Variants in PCDHA4 observed in about 807,000 individuals in gnomAD.
PCDHA4 encodes protocadherin alpha-4.
In PCDHA4, 49 loss-of-function variants were observed where a neutral mutation model predicts 61.4. The observed-to-expected ratio is 0.80, with a 90% CI of 0.63 to 1.01. PCDHA4 has a LOEUF of 1.01. Among genes scored for constraint, PCDHA4 ranks in the 50% least tolerant of loss-of-function variants. PCDHA4 has a pLI of 0.00. For missense variants in PCDHA4, 1,254 were observed against 1,235.8 expected (o/e 1.01, Z -0.22); for synonymous variants, 590 against 550.3 (o/e 1.07, Z -1.01).
At position 140,858,665 on chromosome 5, in the gene PCDHA4, A is replaced by G. The variant is rs2045550518; in HGVS notation, c.2385+49093A>G. On this transcript the variant is annotated intron_variant, in intron 1 of 3. Transcript: ENST00000530339. ...GGTACTTAAATTTTTTTAAATAACAATTTATTCTGAATACACTAATATTTT... is the reference window on the plus strand; with the variant it reads ...GGTACTTAAATTTTTTTAAATAACAGTTTATTCTGAATACACTAATATTTT... 5.6e-6 allele frequency: 4 copies of G among 718,718 alleles called. 1 individual carries two copies. The highest frequency in any genetic ancestry group is 1.8e-5 in the African/African-American group (1 of 55,644). 44.5% of individuals were successfully genotyped at this position (718,718 alleles called of 1,614,324 possible).
chr5:140,851,291 C>A, intron 1 of PCDHA4: 1 of 1,030,836 alleles, frequency 9.7e-7, no homozygotes, highest in Non-Finnish European at 1.2e-6. Context: ...GAAACCCAAG[C>A]AAAAATATAT....
chr5:140,941,242 T>TC (rs1312617364), intron 1 of PCDHA4, among the ~76,000 whole-genome samples: 1 of 141,172 alleles, frequency 7.1e-6, no homozygotes, highest in East Asian at 2.0e-4. Flanking sequence ...TTTCTTTCTT[T>TC]CTTTCTTTCT....
At chr5:140,993,883 A>G (rs1256857317) in intron 3 of PCDHA4, among the ~76,000 whole-genome samples, 1 of 152,228 alleles carries the variant, frequency 6.6e-6, no homozygotes, top group East Asian at 1.9e-4. Flanking sequence ...AGTACGCTCT[A>G]TGATGTCCAT....
chr5:140,841,832 A>C lies in PCDHA4; in HGVS notation c.2385+32260A>C, dbSNP rs2150323829. The C allele has an allele frequency of 3.7e-6, 6 of 1,613,806 alleles. No homozygotes were observed. The South Asian group carries it at 5.5e-5, about 15-fold the overall frequency. ...TGGAGCTAACTCCGTGTTAACCTAC[A>C]GGCTTAGCTCTCATGATTACTTCAT... is the stretch of plus-strand genomic sequence containing the variant. On this transcript the variant is annotated intron_variant, in intron 1 of 3. Coordinates refer to ENST00000530339, the MANE Select transcript of PCDHA4 (RefSeq NM_018907.4).
chr5:140,841,385 G>C, intron 1 of PCDHA4: 2 of 1,613,440 alleles, frequency 1.2e-6, no homozygotes, highest in Non-Finnish European at 1.7e-6. Context: ...TCTGCTCCTC[G>C]CAGCCTGGAA....
Position 140,877,047 on chromosome 5 carries a change from C to T in PCDHA4, c.2385+67475C>T, listed in dbSNP as rs372059660. The T allele has an allele frequency of 5.6e-6, 9 of 1,612,564 alleles. No homozygotes were observed. The African/African-American group carries it at 1.2e-4, about 22-fold the overall frequency. On this transcript the variant is annotated intron_variant, in intron 1 of 3. Transcript: ENST00000530339. ...TGTACGCGCTGCAGCCGCTAGACCA[C>T]GAGGAGCTGGAGCTGCTGCAGTTCC...
In PCDHA4 at chr5:141,000,421, A is replaced by ATTTTT. The variant is rs34755515; in HGVS notation, c.2534-9187_2534-9183dup. Among the ~76,000 whole-genome samples, 110 of 27,976 alleles carry ATTTTT rather than the reference A, an allele frequency of 3.9e-3. 3 individuals carry two copies. Among genetic ancestry groups the ATTTTT allele is most frequent in the Non-Finnish European group, 5.0e-3 (89 of 17,656 alleles). The allele number at this position is 27,976 out of a possible 152,430, so 18.4% of individuals were successfully genotyped here. ...TATATATATATATATATATATATATATTTTTTTTTTTTTTTTTTTTTTTGA... is the reference window on the plus strand; with the variant it reads ...TATATATATATATATATATATATATATTTTTTTTTTTTTTTTTTTTTTTTTTTTGA... On this transcript the variant is annotated intron_variant, in intron 3 of 3. Coordinates refer to ENST00000530339, the MANE Select transcript of PCDHA4 (RefSeq NM_018907.4).
intron 1 of PCDHA4, among the ~76,000 whole-genome samples, chr5:140,950,636 T>A (rs528587890): frequency 1.4e-3 from 206 of 152,222 alleles, no homozygotes; most frequent in Non-Finnish European, 2.4e-3. Flanking sequence ...TTTATTTTTA[T>A]CCTGTTTATG....
chr5:140,862,711 G>T, intron 1 of PCDHA4: 2 of 561,474 alleles, frequency 3.6e-6, no homozygotes, highest in Admixed American at 3.8e-5. Flanking sequence ...ACAGCGGGTG[G>T]GCGAGTGCGC....
At chr5:140,843,084 G>A (rs2150352183) in intron 1 of PCDHA4, 6 of 1,595,554 alleles carry the variant, frequency 3.8e-6, no homozygotes, top group South Asian at 3.3e-5. Context: ...GTGGGCGCGG[G>A]CCACGTGGTA....
At chr5:140,809,609 T>G in intron 1 of PCDHA4, 37 bp downstream of exon 1, 2 of 1,521,434 alleles carry the variant, frequency 1.3e-6, no homozygotes, top group Non-Finnish European at 1.8e-6. Flanking sequence ...ATTTTCGTAT[T>G]GTTTTTCTCT....
chr5:140,973,606 G>A (rs1554235444), intron 1 of PCDHA4, among the ~76,000 whole-genome samples: 1 of 152,204 alleles, frequency 6.6e-6, no homozygotes, highest in African/African-American at 2.4e-5. Flanking sequence ...TTATGGCTGA[G>A]CTCTTCTCTG....
chr5:140,824,102 C>T (rs2150132175), intron 1 of PCDHA4: 1 of 1,614,116 alleles, frequency 6.2e-7, no homozygotes. Context: ...CCAAGCCTTC[C>T]TCAGGGTCCC....
chr5:140,957,100 T>C (rs2095333217), intron 1 of PCDHA4, among the ~76,000 whole-genome samples: 1 of 152,328 alleles, frequency 6.6e-6, no homozygotes, highest in Non-Finnish European at 1.5e-5. Flanking sequence ...AATATTGCTA[T>C]GGACATGATT....
intron 1 of PCDHA4, chr5:140,884,544 G>A (rs1554181708): frequency 6.2e-7 from 1 of 1,614,222 alleles, no homozygotes; most frequent in East Asian, 2.2e-5. Flanking sequence ...CCGAGGGTGT[G>A]CTCTGGGGAG....
At chr5:140,869,616 G>C (rs1554163306) in intron 1 of PCDHA4, 1 of 1,613,734 alleles carries the variant, frequency 6.2e-7, no homozygotes, top group Non-Finnish European at 8.5e-7. Context: ...TGACCTACAG[G>C]CTAAGTAAAA....
At chr5:140,829,631 A>G (rs2150171714) in intron 1 of PCDHA4, 2 of 1,612,100 alleles carry the variant, frequency 1.2e-6, no homozygotes, top group East Asian at 2.2e-5. Flanking sequence ...GCACGCGGAG[A>G]GCGGCAAGGT....
chr5:140,898,632 C>T (rs2066885282), intron 1 of PCDHA4, among the ~76,000 whole-genome samples: 1 of 152,158 alleles, frequency 6.6e-6, no homozygotes, highest in Non-Finnish European at 1.5e-5. Flanking sequence ...ATAATGCCTC[C>T]AGCTTTGTTC....
At chr5:140,884,938 G>A (rs2060412389) in intron 1 of PCDHA4, among the ~76,000 whole-genome samples, 1 of 152,106 alleles carries the variant, frequency 6.6e-6, no homozygotes, top group African/African-American at 2.4e-5. Context: ...TCTTGCAATT[G>A]AGCATTTACA....
Sources: gnomAD v4.1 joint callset for allele counts (sites outside exome capture counted in the v4.1 genomes callset) on GRCh38, gnomAD v4.1.1 for gene constraint, MANE v1.5 for transcripts, NCBI Gene and HGNC (gene_info 2026-07-23, HGNC 2026-07-21) for gene names.